The following HCFC2 variants were observed in gnomAD, a reference collection of about 807,000 sequenced individuals.
HCFC2 encodes the protein host cell factor C2.
Under a neutral mutation model 89.2 loss-of-function variants are expected in HCFC2, and 18 were observed. That is an observed-to-expected ratio of 0.20 (90% CI 0.14 to 0.30). The LOEUF (loss-of-function observed/expected upper bound fraction) is 0.30, where lower values mean the gene tolerates loss of function less well. Among genes scored for constraint, HCFC2 ranks in the 10% least tolerant of loss-of-function variants. The probability of loss-of-function intolerance (pLI) is 1.00; values close to 1 mark genes in which losing one functional copy is unlikely to be tolerated. For missense variants in HCFC2, 578 were observed against 956.1 expected, an observed-to-expected ratio of 0.60 and a Z score of 5.21; for synonymous variants, 308 against 335.7, an observed-to-expected ratio of 0.92 and a Z score of 0.90.
intron 4 of HCFC2, 132 bp from the exon 5 acceptor site, chr12:104,080,614 A>T: frequency 1.9e-6 from 1 of 513,572 alleles, no homozygotes; most frequent in Non-Finnish European, 3.4e-6. Context: ...GTTTAAGATA[A>T]TGTTCAAATA....
At chr12:104,073,690 C>G (rs2136599451) in intron 3 of HCFC2, among the ~76,000 whole-genome samples, 1 of 152,190 alleles carries the variant, frequency 6.6e-6, no homozygotes, top group Non-Finnish European at 1.5e-5. Flanking sequence ...CTTTTTACTT[C>G]TTTTCCTAGT....
At chr12:104,090,328 C>T (rs1883987884) in intron 9 of HCFC2, among the ~76,000 whole-genome samples, 1 of 152,048 alleles carries the variant, frequency 6.6e-6, no homozygotes, top group South Asian at 2.1e-4. Flanking sequence ...ATTCCTGATC[C>T]TTTATATATG....
intron 5 of HCFC2, 81 bp from the exon 6 acceptor site, chr12:104,082,419 A>T: frequency 1.2e-6 from 1 of 860,096 alleles, no homozygotes; most frequent in Non-Finnish European, 1.9e-6. Flanking sequence ...ACTGATAGGA[A>T]ATTTTTCTAT....
At chr12:104,097,931 T>A (rs746500993) in intron 12 of HCFC2, among the ~76,000 whole-genome samples, 2 of 152,250 alleles carry the variant, frequency 1.3e-5, no homozygotes, top group Non-Finnish European at 2.9e-5. Flanking sequence ...TGTTTTTGGA[T>A]CTAGAAATGA....
chr12:104,064,872 C>T lies in HCFC2; in HGVS notation c.163+149C>T, dbSNP rs556348142. ...GGGGAGCGCGGCTCAGCCGGGCAGC[C>T]CGGGTCCGGCAGCTCTGTCCCGGAC... On this transcript the variant is annotated intron_variant, in intron 1 of 14. Transcript: ENST00000229330. The surrounding 1 kb of genome is among the most constrained non-coding windows in gnomAD (Gnocchi z 7.3). 17 of 634,522 alleles carry T rather than the reference C, an allele frequency of 2.7e-5. No homozygotes were observed. The African/African-American group carries it at 3.1e-4, about 12-fold the overall frequency. The allele number at this position is 634,522 out of a possible 1,614,324, so 39.3% of individuals were successfully genotyped here.
rs771168592 is a variant in HCFC2, at chr12:104,103,933, A to G, written c.*660A>G. ...AGTTTTCTTGATTCTTACCAGGCCA[A>G]TATATTTGAATATATTTTTGGCCAA... On this transcript the variant is annotated 3_prime_UTR_variant, in exon 15 of 15. Transcript: ENST00000229330. 1 of 152,098 alleles carries G rather than the reference A, an allele frequency of 6.6e-6. No individual in the cohort carries two copies. The highest frequency in any genetic ancestry group is 2.4e-5 in the African/African-American group (1 of 41,452). 9.4% of individuals were successfully genotyped at this position (152,098 alleles called of 1,614,324 possible).
chr12:104,068,773 T>C lies in HCFC2; in HGVS notation c.473+666T>C, dbSNP rs957614160. ...ATTGTAAATAATGGGGCTATCTACA[T>C]TGTTGACCCCTATTATAGCTAATGT... On this transcript the variant is annotated intron_variant, in intron 3 of 14. Coordinates refer to ENST00000229330, the MANE Select transcript of HCFC2 (RefSeq NM_013320.3). This position sits in a 1 kb window ranked among gnomAD's most constrained non-coding sequence, Gnocchi z 4.1. Among the ~76,000 whole-genome samples the C allele has an allele frequency of 2.0e-5, 3 of 152,146 alleles. No homozygotes were observed. Among genetic ancestry groups the C allele is most frequent in the African/African-American group, 7.2e-5 (3 of 41,430 alleles).
At chr12:104,091,983 A>G (rs192179747) in intron 9 of HCFC2, among the ~76,000 whole-genome samples, 47 of 152,338 alleles carry the variant, frequency 3.1e-4, no homozygotes, top group Admixed American at 3.1e-3. Flanking sequence ...TATTATAGAC[A>G]AGTATCCTCA....
At position 104,095,149 on chromosome 12, in the gene HCFC2, A is replaced by G. The variant is rs79748131; in HGVS notation, c.1463-211A>G. Among the ~76,000 whole-genome samples, 3,475 of 152,306 alleles carry G rather than the reference A, an allele frequency of 0.023. 61 individuals carry two copies. Among genetic ancestry groups the G allele is most frequent in the South Asian group, 0.064 (310 of 4,826 alleles). ...GGTTCGGTGTTTAGAATGAACGAGGAAGGTAAAAAGTTGGATATCCATTAT... is the reference window on the plus strand; with the variant it reads ...GGTTCGGTGTTTAGAATGAACGAGGGAGGTAAAAAGTTGGATATCCATTAT... On this transcript the variant is annotated intron_variant, in intron 10 of 14. Transcript: ENST00000229330. The surrounding 1 kb of genome is among the most constrained non-coding windows in gnomAD (Gnocchi z 4.2).
At chr12:104,073,114 A>G (rs1883381188) in intron 3 of HCFC2, among the ~76,000 whole-genome samples, 1 of 149,966 alleles carries the variant, frequency 6.7e-6, no homozygotes. Flanking sequence ...GGAGTTCTTT[A>G]CATATATATA....
chr12:104,098,319 A>T (rs1320723305), intron 12 of HCFC2, 24 bp from the exon 13 acceptor site: 1 of 1,578,184 alleles, frequency 6.3e-7, no homozygotes, highest in African/African-American at 1.4e-5. Flanking sequence ...GAGTCTTCAT[A>T]AATTTTTTTT....
chr12:104,095,643 G>A lies in HCFC2; in HGVS notation c.1666+80G>A. On this transcript the variant is annotated intron_variant, in intron 11 of 14. Transcript: ENST00000229330. The surrounding 1 kb of genome is among the most constrained non-coding windows in gnomAD (Gnocchi z 4.2). ...TCAAACTTACTTGTCTTAGATGGGA[G>A]TTGCATTTCATCTTGGAATTTTGTT... 1 of 1,075,192 alleles carries A rather than the reference G, an allele frequency of 9.3e-7. No individual in the cohort carries two copies. The highest frequency in any genetic ancestry group is 1.3e-6 in the Non-Finnish European group (1 of 744,256). The allele number at this position is 1,075,192 out of a possible 1,614,324, so 66.6% of individuals were successfully genotyped here.
chr12:104,072,940 G>A (rs891925685), intron 3 of HCFC2, among the ~76,000 whole-genome samples: 2 of 151,482 alleles, frequency 1.3e-5, no homozygotes, highest in East Asian at 1.9e-4. Flanking sequence ...CACCGCACCC[G>A]GCCGATTTGG....
chr12:104,097,470 G>C (rs1330078077), intron 12 of HCFC2: 1 of 156,106 alleles, frequency 6.4e-6, no homozygotes, highest in East Asian at 1.9e-4. Flanking sequence ...CAACTTTATA[G>C]AATGAAAACA....
At chr12:104,086,769 T>C in intron 7 of HCFC2, 78 bp from the exon 8 acceptor site, 2 of 1,304,452 alleles carry the variant, frequency 1.5e-6, no homozygotes, top group African/African-American at 1.5e-5. Flanking sequence ...TTTTCAAAGC[T>C]CTGGTCCACA....
chr12:104,077,841 T>G (rs1883553583), intron 3 of HCFC2, among the ~76,000 whole-genome samples: 1 of 152,074 alleles, frequency 6.6e-6, no homozygotes. Context: ...TTGAATCTTA[T>G]TCCAGGTTAT....
At position 104,103,565 on chromosome 12, in the gene HCFC2, TA is replaced by T. The variant is rs1319656916; in HGVS notation, c.*293del. 6.2e-6 allele frequency: 2 copies of T among 322,994 alleles called. No individual in the cohort carries two copies. Among genetic ancestry groups the T allele is most frequent in the African/African-American group, 4.3e-5 (2 of 46,618 alleles). The allele number at this position is 322,994 out of a possible 1,614,324, so 20.0% of individuals were successfully genotyped here. On this transcript the variant is annotated 3_prime_UTR_variant, in exon 15 of 15. Coordinates refer to ENST00000229330, the MANE Select transcript of HCFC2 (RefSeq NM_013320.3). ...AAAGCTTTATTACCCCAATATCTTT[TA>T]TAAGGGCTGTGTAACCCAGTCATCC...
intron 13 of HCFC2, among the ~76,000 whole-genome samples, chr12:104,101,760 G>A (rs1186926825): frequency 6.6e-6 from 1 of 152,094 alleles, no homozygotes; most frequent in African/African-American, 2.4e-5. Flanking sequence ...GCTCACCTCT[G>A]GATAAGGAGC....
chr12:104,069,559 A>G (rs1470475499), intron 3 of HCFC2, among the ~76,000 whole-genome samples: 1 of 149,546 alleles, frequency 6.7e-6, no homozygotes, highest in African/African-American at 2.4e-5. Context: ...ATATGAGATC[A>G]TGCAATATTG....
Sources: allele counts gnomAD v4.1 joint callset (sites outside exome capture counted in the v4.1 genomes callset), GRCh38; gene constraint gnomAD v4.1.1; non-coding constraint Gnocchi (gnomAD v3.1); transcripts MANE v1.5; gene names NCBI Gene and HGNC (gene_info 2026-07-23, HGNC 2026-07-21).